The following GANC variants were observed in gnomAD, a reference collection of about 807,000 sequenced individuals.
The protein encoded by GANC is glucosidase alpha, neutral C, also known as neutral alpha-glucosidase C.
Under a neutral mutation model 124.2 loss-of-function variants are expected in GANC, and 117 were observed. That is an observed-to-expected ratio of 0.94 (90% confidence interval 0.81 to 1.10). The LOEUF is 1.10. Ranked by LOEUF, GANC falls within the 50% of genes least tolerant of loss-of-function variation. The probability of loss-of-function intolerance (pLI) is 0.00; values close to 1 mark genes in which losing one functional copy is unlikely to be tolerated. For missense variants in GANC, 1,140 were observed against 1,095.0 expected, an observed-to-expected ratio of 1.04 and a Z score of -0.58; for synonymous variants, 377 against 376.8, an observed-to-expected ratio of 1.00 and a Z score of -0.01.
At chr15:42,318,674 G>T (rs2052130171) in intron 10 of GANC, among the ~76,000 whole-genome samples, 1 of 152,154 alleles carries the variant, frequency 6.6e-6, no homozygotes, top group South Asian at 2.1e-4. Context: ...GCAGCCTCAA[G>T]CTCCTGGGCT....
Position 42,293,079 on chromosome 15 carries a change from C to T in GANC, c.512+162C>T, listed in dbSNP as rs189337267. On this transcript the variant is annotated intron_variant, in intron 5 of 23. Transcript: ENST00000318010. ...ACCTTTTCACCTGTGAAGGTGAATA[C>T]AAGCTTTATGACAAAAATAATTCCC... Among the ~76,000 whole-genome samples, 127 of 152,336 alleles carry T rather than the reference C, an allele frequency of 8.3e-4. 1 individual carries two copies. Among genetic ancestry groups the T allele is most frequent in the African/African-American group, 2.9e-3 (120 of 41,580 alleles).
chr15:42,335,511 A>G (rs185361711), intron 15 of GANC, among the ~76,000 whole-genome samples: 95 of 152,344 alleles, frequency 6.2e-4, no homozygotes, highest in Non-Finnish European at 1.8e-4. Flanking sequence ...CCCACATCAT[A>G]CTAAATGGGC....
intron 13 of GANC, among the ~76,000 whole-genome samples, chr15:42,328,781 C>T (rs1422415981): frequency 6.6e-6 from 1 of 152,174 alleles, no homozygotes; most frequent in Non-Finnish European, 1.5e-5. Context: ...CTCAACTGTC[C>T]CTTCCCACTC....
chr15:42,350,709 TG>T (rs935711717), intron 22 of GANC, among the ~76,000 whole-genome samples: 1 of 149,858 alleles, frequency 6.7e-6, no homozygotes, highest in Non-Finnish European at 1.5e-5. Flanking sequence ...CCCACCACCA[TG>T]CCTGGCTAAT....
Position 42,352,858 on chromosome 15 carries a change from C to A in GANC, c.*719C>A. 1.9e-6 allele frequency: 1 copy of A among 518,798 alleles called. No individual in the cohort carries two copies. Among genetic ancestry groups the A allele is most frequent in the Non-Finnish European group, 2.5e-6 (1 of 403,752 alleles). 32.1% of individuals were successfully genotyped at this position (518,798 alleles called of 1,614,324 possible). On this transcript the variant is annotated 3_prime_UTR_variant, in exon 24 of 24. Coordinates refer to ENST00000318010, the MANE Select transcript of GANC (RefSeq NM_198141.3). The stretch of plus-strand genomic sequence containing the variant: ...AATTAATAACAATGAAATAAATACC[C>A]ATGTACCCACCACTGGACTTCAGAA...
intron 2 of GANC, among the ~76,000 whole-genome samples, chr15:42,277,744 G>T (rs1220561499): frequency 1.3e-5 from 2 of 151,488 alleles, no homozygotes; most frequent in East Asian, 2.0e-4. Flanking sequence ...GGGATTACAG[G>T]CATGCACCAC....
chr15:42,299,027 C>G (rs570242145), intron 6 of GANC, among the ~76,000 whole-genome samples: 5 of 152,306 alleles, frequency 3.3e-5, no homozygotes, highest in African/African-American at 1.2e-4. Context: ...ATTTGACTTC[C>G]TCTCTTCCTA....
intron 10 of GANC, among the ~76,000 whole-genome samples, chr15:42,315,432 A>G (rs2052093583): frequency 6.6e-6 from 1 of 152,222 alleles, no homozygotes; most frequent in African/African-American, 2.4e-5. Flanking sequence ...GCAAATCAAA[A>G]CCACAGTAAA....
At chr15:42,332,765 G>T (rs2052255889) in intron 15 of GANC, among the ~76,000 whole-genome samples, 1 of 150,716 alleles carries the variant, frequency 6.6e-6, no homozygotes, top group Non-Finnish European at 1.5e-5. Context: ...TGTAATCCCA[G>T]CACTTTGGGA....
chr15:42,316,648 C>T (rs2052106316), intron 10 of GANC, among the ~76,000 whole-genome samples: 1 of 152,204 alleles, frequency 6.6e-6, no homozygotes, highest in Non-Finnish European at 1.5e-5. Context: ...CACAGCACTA[C>T]AGGGAGGGGT....
chr15:42,286,339 C>T (rs1252146541), intron 3 of GANC, among the ~76,000 whole-genome samples: 1 of 152,168 alleles, frequency 6.6e-6, no homozygotes, highest in Non-Finnish European at 1.5e-5. Context: ...ATTTCAGCCT[C>T]CCCAAAAGTT....
intron 3 of GANC, among the ~76,000 whole-genome samples, chr15:42,282,809 G>A (rs773826476): frequency 2.7e-4 from 41 of 152,124 alleles, no homozygotes; most frequent in East Asian, 7.7e-4. Context: ...TTTATTTCTC[G>A]CAGTTCTGAA....
intron 22 of GANC, among the ~76,000 whole-genome samples, chr15:42,350,107 C>T (rs113754515): frequency 0.097 from 14,266 of 147,270 alleles, 804 homozygotes; most frequent in South Asian, 0.18. Context: ...CTCGGCTCAC[C>T]GCAACCTCTG....
chr15:42,278,654 T>C (rs1197548792), intron 3 of GANC, 64 bp downstream of exon 3: 1 of 1,180,512 alleles, frequency 8.5e-7, no homozygotes, highest in East Asian at 2.4e-5. Context: ...CTGAATGAAG[T>C]AAATTAAAGC....
chr15:42,311,069 C>T (rs1291845862), intron 10 of GANC, among the ~76,000 whole-genome samples: 1 of 152,226 alleles, frequency 6.6e-6, no homozygotes, highest in Non-Finnish European at 1.5e-5. Context: ...TACTTGCCAT[C>T]TGCTTTCCTT....
chr15:42,351,902 G>A (rs2052443845), intron 23 of GANC, 128 bp from the exon 24 acceptor site: 1 of 1,160,644 alleles, frequency 8.6e-7, no homozygotes, highest in South Asian at 1.6e-5. Context: ...ATGGGTAAAA[G>A]TGCTATTAAT....
intron 21 of GANC, 64 bp from the exon 22 acceptor site, chr15:42,349,319 C>G (rs977197220): frequency 2.0e-6 from 2 of 1,016,606 alleles, no homozygotes; most frequent in African/African-American, 3.2e-5. Context: ...CCTTTAGGAG[C>G]TGACATTCTT....
intron 15 of GANC, among the ~76,000 whole-genome samples, chr15:42,334,413 C>A (rs982391084): frequency 4.6e-5 from 7 of 152,122 alleles, no homozygotes; most frequent in African/African-American, 1.7e-4. Context: ...CTGCCCTCCT[C>A]GGCTTCACAA....
At position 42,352,936 on chromosome 15, in the gene GANC, C is replaced by A; in HGVS notation, c.*797C>A. ...AGGCAAGGGAGACCCTGGCCTTGGG[C>A]ACAAAATGTAAGGGATGCCAAAAAA... On this transcript the variant is annotated 3_prime_UTR_variant, in exon 24 of 24. Coordinates refer to ENST00000318010, the MANE Select transcript of GANC (RefSeq NM_198141.3). 9.8e-6 allele frequency: 5 copies of A among 509,370 alleles called. No homozygotes were observed. Among genetic ancestry groups the A allele is most frequent in the Non-Finnish European group, 1.0e-5 (4 of 395,552 alleles). The allele number at this position is 509,370 out of a possible 1,614,324, so 31.6% of individuals were successfully genotyped here. A position where few individuals can be genotyped will look rare whatever the true frequency, so the allele number is the denominator to read the frequency against.
Sources: gnomAD v4.1 joint callset for allele counts (sites outside exome capture counted in the v4.1 genomes callset) on GRCh38, gnomAD v4.1.1 for gene constraint, MANE v1.5 for transcripts, NCBI Gene and HGNC (gene_info 2026-07-23, HGNC 2026-07-21) for gene names.